CCDC88C: variants seen among roughly 807,000 people sequenced by gnomAD.
CCDC88C encodes the protein protein Daple.
Under a neutral mutation model 198.8 loss-of-function variants are expected in CCDC88C, and 131 were observed. The ratio of observed to expected loss-of-function variants is 0.66; its 90% CI spans 0.57 to 0.76. The LOEUF (loss-of-function observed/expected upper bound fraction) is 0.76. Ranked by LOEUF, CCDC88C falls within the 30% of genes least tolerant of loss-of-function variation. The pLI, the probability that CCDC88C is intolerant of heterozygous loss-of-function variation, is 0.00. For missense variants in CCDC88C, 2,553 were observed against 2,631.6 expected, an observed-to-expected ratio of 0.97 and a Z score of 0.65; for synonymous variants, 1,166 against 1,114.7, an observed-to-expected ratio of 1.05 and a Z score of -0.92.
chr14:91,375,507 G>A (rs996128657), intron 3 of CCDC88C, among the ~76,000 whole-genome samples: 4 of 152,126 alleles, frequency 2.6e-5, no homozygotes, highest in Non-Finnish European at 2.9e-5. Flanking sequence ...GGTGGGCAGC[G>A]GAATCAAAGA....
chr14:91,309,179 G>T (rs1462076698), intron 16 of CCDC88C, among the ~76,000 whole-genome samples: 1 of 152,186 alleles, frequency 6.6e-6, no homozygotes, highest in Non-Finnish European at 1.5e-5. Flanking sequence ...TCATCACTGA[G>T]CCGGGATCAC....
intron 4 of CCDC88C, among the ~76,000 whole-genome samples, chr14:91,351,111 G>A (rs1479703610): frequency 2.0e-5 from 3 of 152,150 alleles, no homozygotes; most frequent in African/African-American, 7.2e-5. Context: ...TTAGCATCAA[G>A]TACCTGGGTT....
rs112799131 is a variant in CCDC88C, at chr14:91,296,678, G to A, written c.3966+627C>T. 1.3e-3 allele frequency among the ~76,000 whole-genome samples: 200 copies of A among 152,324 alleles called. 3 individuals are homozygous for A. Among genetic ancestry groups the A allele is most frequent in the African/African-American group, 4.5e-3 (185 of 41,556 alleles). ...CTACTGAGGGATCTGGGCAAAAGGC[G>A]TCTGAGACTGTTTCTCAAAGAGCAA... On this transcript the variant is annotated intron_variant, in intron 22 of 29. Coordinates refer to ENST00000389857, the MANE Select transcript of CCDC88C (RefSeq NM_001080414.4).
chr14:91,292,062 A>C (rs1175641484), intron 23 of CCDC88C, among the ~76,000 whole-genome samples: 1 of 152,062 alleles, frequency 6.6e-6, no homozygotes, highest in African/African-American at 2.4e-5. Flanking sequence ...CTTACATGAG[A>C]GGTAACAGCT....
rs35728972 is a variant in CCDC88C at position 91,322,904 on chromosome 14, C to CTTTTT, written c.1343-1605_1343-1601dup. Among the ~76,000 whole-genome samples, 305 of 127,498 alleles carry CTTTTT rather than the reference C, an allele frequency of 2.4e-3. 2 individuals are homozygous for CTTTTT. The highest frequency in any genetic ancestry group is 7.2e-3 in the African/African-American group (248 of 34,378). The allele number at this position is 127,498 out of a possible 152,430, so 83.6% of individuals were successfully genotyped here. A position where few individuals can be genotyped will look rare whatever the true frequency, so the allele number is the denominator to read the frequency against. ...TTACTACTAAAACGCCAGTGTTTCT[C>CTTTTT]TTTTTTTTTTTTTTTTTTTGAGACA... On this transcript the variant is annotated intron_variant, in intron 12 of 29. Transcript: ENST00000389857.
At position 91,366,163 on chromosome 14, in the gene CCDC88C, C is replaced by CACAA. The variant is rs1384948604; in HGVS notation, c.271-6453_271-6452insTTGT. ...GACCTACTTAAAAAATACACACACA[C>CACAA]ACACACACACACACACACACACACA... On this transcript the variant is annotated intron_variant, in intron 3 of 29. Transcript: ENST00000389857. Among the ~76,000 whole-genome samples, 658 of 127,488 alleles carry CACAA rather than the reference C, an allele frequency of 5.2e-3. 6 individuals are homozygous for CACAA. Among genetic ancestry groups the CACAA allele is most frequent in the African/African-American group, 0.027 (630 of 23,698 alleles). 83.6% of individuals were successfully genotyped at this position (127,488 alleles called of 152,430 possible).
chr14:91,330,995 G>A (rs889309437), intron 10 of CCDC88C, among the ~76,000 whole-genome samples: 1 of 151,950 alleles, frequency 6.6e-6, no homozygotes, highest in Non-Finnish European at 1.5e-5. Flanking sequence ...GGAGTGGGGA[G>A]AGTGGAAGCT....
At chr14:91,333,974 C>T (rs1596081299) in intron 10 of CCDC88C, among the ~76,000 whole-genome samples, 1 of 152,338 alleles carries the variant, frequency 6.6e-6, no homozygotes, top group East Asian at 1.9e-4. Flanking sequence ...TTCCCGCTGA[C>T]CTTTTACTTG....
At chr14:91,285,082 T>A (rs1325240726) in intron 25 of CCDC88C, among the ~76,000 whole-genome samples, 1 of 152,206 alleles carries the variant, frequency 6.6e-6, no homozygotes, top group African/African-American at 2.4e-5. Context: ...TGGGCTGAAC[T>A]CTGTCTGGGC....
Position 91,303,701 on chromosome 14 carries a change from C to A in CCDC88C, c.3635G>T (p.Arg1212Met). 1.3e-6 allele frequency: 2 copies of A among 1,578,510 alleles called. No individual in the cohort carries two copies. The highest frequency in any genetic ancestry group is 1.8e-5 in the Admixed American group (1 of 54,854). Residue 1212 changes from arginine to methionine, a missense_variant and splice_region_variant, in exon 20 of 30, where the codon AGG (arginine) becomes ATG (methionine). Physicochemically the swap from Arg to Met is moderately conservative, Grantham distance 91. This residue lies in a region of CCDC88C where 1,293 missense variants were observed against 1,219.6 expected (regional missense o/e 1.06). Coordinates refer to ENST00000389857, the MANE Select transcript of CCDC88C (RefSeq NM_001080414.4). ...LELEHKELGE[R>M]HGDMLKRKAE... ...ATCCCCTTCCTTCCCCAGGCCCTAC[C>A]TCTCCCCGAGCTCCTTGTGCTCCAG...
intron 4 of CCDC88C, among the ~76,000 whole-genome samples, chr14:91,353,043 G>A (rs2139890257): frequency 1.3e-5 from 2 of 152,226 alleles, no homozygotes; most frequent in East Asian, 3.8e-4. Context: ...CATGGGATCT[G>A]AAAAGCACTC....
Position 91,338,270 on chromosome 14 carries a change from C to T in CCDC88C, c.892-107G>A, listed in dbSNP as rs975253209. 21 of 1,396,884 alleles carry T rather than the reference C, an allele frequency of 1.5e-5. No homozygotes were observed. The African/African-American group carries it at 2.8e-4, about 19-fold the overall frequency. 86.5% of individuals were successfully genotyped at this position (1,396,884 alleles called of 1,614,324 possible). On this transcript the variant is annotated intron_variant, in intron 9 of 29. Transcript: ENST00000389857. This position sits in a 1 kb window ranked among gnomAD's most constrained non-coding sequence, Gnocchi z 4.8. ...TGTCTCCACGACGGCCCAGGACAAG[C>T]CAGCTCCTGGTGGCCGGGGGCCTCC... is the stretch of plus-strand genomic sequence containing the variant.
chr14:91,273,275 G>T lies in CCDC88C; in HGVS notation c.5437C>A (p.Leu1813Ile), dbSNP rs907978841. ...CAGGCCTCTGGCCCGCTGGCCCGGAGAAGGTCAGCTGAGGCCAGGCTGAAG... is the reference window on the plus strand; with the variant it reads ...CAGGCCTCTGGCCCGCTGGCCCGGATAAGGTCAGCTGAGGCCAGGCTGAAG... ...RAFSLASADL[L>I]RASGPEACKQ... Residue 1813 changes from leucine to isoleucine, a missense_variant, in exon 30 of 30, where the codon CTC becomes ATC. This residue lies in a region of CCDC88C where 1,293 missense variants were observed against 1,219.6 expected (regional missense o/e 1.06). Coordinates refer to ENST00000389857, the MANE Select transcript of CCDC88C (RefSeq NM_001080414.4). This position sits in a 1 kb window ranked among gnomAD's most constrained non-coding sequence, Gnocchi z 5.6. 2 of 1,560,338 alleles carry T rather than the reference G, an allele frequency of 1.3e-6. No individual in the cohort carries two copies. The highest frequency in any genetic ancestry group is 4.8e-5 in the East Asian group (2 of 41,890).
intron 25 of CCDC88C, among the ~76,000 whole-genome samples, chr14:91,286,567 C>A (rs1423231197): frequency 2.6e-5 from 4 of 152,184 alleles, no homozygotes; most frequent in African/African-American, 9.7e-5. Flanking sequence ...TCGACCTAAC[C>A]AATTTCTGAT....
At chr14:91,350,405 A>G (rs1466274659) in intron 4 of CCDC88C, among the ~76,000 whole-genome samples, 3 of 152,022 alleles carry the variant, frequency 2.0e-5, no homozygotes, top group Non-Finnish European at 4.4e-5. Flanking sequence ...CAAGTGATTC[A>G]TCCGTCTTGG....
In CCDC88C at chr14:91,339,994, G is replaced by C. The variant is rs752194630; in HGVS notation, c.514C>G (p.Leu172Val). Reference protein sequence around the residue: ...VTHNQENVFDLQWLELPDVAP... With the variant: ...VTHNQENVFDVQWLELPDVAP... ...ACGTCGGGCAGCTCCAGCCACTGCA[G>C]GTCAAACACGTTCTCTTGGTTGTGA... Residue 172 changes from leucine to valine, a missense_variant, in exon 7 of 30, where the codon CTG (leucine) becomes GTG (valine). Coordinates refer to ENST00000389857, the MANE Select transcript of CCDC88C (RefSeq NM_001080414.4). The surrounding 1 kb of genome is among the most constrained non-coding windows in gnomAD (Gnocchi z 5.8). 11 of 1,608,400 alleles carry C rather than the reference G, an allele frequency of 6.8e-6. No homozygotes were observed. The Admixed American group carries it at 1.5e-4, about 22-fold the overall frequency.
Position 91,272,647 on chromosome 14 carries a change from C to T in CCDC88C, c.6065G>A (p.Trp2022Ter). 6.2e-7 allele frequency: 1 copy of T among 1,611,116 alleles called. No individual in the cohort carries two copies. The highest frequency in any genetic ancestry group is 8.5e-7 in the Non-Finnish European group (1 of 1,179,856). Residue 2022 changes from tryptophan (W) to a stop codon, truncating the protein, a stop_gained, in exon 30 of 30, where the codon TGG becomes TAG. Transcript: ENST00000389857. LOFTEE classifies it high-confidence loss of function. ...PEPGGDPQTV[W>*]YEYGCV is the part of the protein sequence containing the mutation. ...CAGTCACACACAGCCGTACTCATAC[C>T]ACACGGTCTGCGGATCCCCGCCGGG...
At position 91,342,465 on chromosome 14, in the gene CCDC88C, T is replaced by C; in HGVS notation, c.400-2A>G. The stretch of plus-strand genomic sequence containing the variant: ...AATGAACTCCTCTTTCCTCTCACAC[T>C]GCGGAGGGTTACATGTGTTAATGGA... On this transcript the variant is annotated splice_acceptor_variant, in intron 5 of 29. Transcript: ENST00000389857. LOFTEE classifies it high-confidence loss of function. 6.4e-7 allele frequency: 1 copy of C among 1,572,240 alleles called. No individual in the cohort carries two copies. The highest frequency in any genetic ancestry group is 1.2e-5 in the South Asian group (1 of 86,150).
chr14:91,293,878 T>G (rs1890880540), intron 23 of CCDC88C, among the ~76,000 whole-genome samples: 1 of 152,268 alleles, frequency 6.6e-6, no homozygotes, highest in South Asian at 2.1e-4. Flanking sequence ...CTTGAGATAC[T>G]TCAGTGTTCT....
Sources: allele counts gnomAD v4.1 joint callset (sites outside exome capture counted in the v4.1 genomes callset), GRCh38; gene constraint gnomAD v4.1.1; regional missense constraint gnomAD v4.1.1; non-coding constraint Gnocchi (gnomAD v3.1); transcripts MANE v1.5; gene names NCBI Gene and HGNC (gene_info 2026-07-23, HGNC 2026-07-21).